MRPL38: variants seen among roughly 807,000 people sequenced by gnomAD.
The protein encoded by MRPL38 is large ribosomal subunit protein mL38.
Under a neutral mutation model 52.1 loss-of-function variants are expected in MRPL38, and 51 were observed. The ratio of observed to expected loss-of-function variants is 0.98; its 90% CI spans 0.78 to 1.24. The LOEUF is 1.24. MRPL38 is among the 50% of genes most tolerant of loss of function. The probability of loss-of-function intolerance (pLI) is 0.00; values close to 1 mark genes in which losing one functional copy is unlikely to be tolerated. For synonymous variants in MRPL38, 245 were observed against 212.7 expected (o/e 1.15, Z -1.32); for missense variants, 527 against 518.6 (o/e 1.02, Z -0.16).
Position 75,899,200 on chromosome 17 carries a change from G to C in MRPL38, c.964C>G (p.Arg322Gly), listed in dbSNP as rs1352525977. Reference sequence around the variant, plus strand: ...ATGTAGGTGACGGAGTCATCCCAGCGGCACTGGAAGAAGGACAAGCCGGCT... The same window carrying C: ...ATGTAGGTGACGGAGTCATCCCAGCCGCACTGGAAGAAGGACAAGCCGGCT... Reference protein sequence around the residue: ...TPAGLSFFQCRWDDSVTYIFH... With the variant: ...TPAGLSFFQCGWDDSVTYIFH... Residue 322 changes from arginine to glycine, a missense_variant, in exon 8 of 9, where the codon CGC becomes GGC. Transcript: ENST00000309352. 1.9e-6 allele frequency: 3 copies of C among 1,607,224 alleles called. No individual in the cohort carries two copies. The African/African-American group carries it at 4.0e-5, about 21-fold the overall frequency.
Position 75,904,616 on chromosome 17 carries a change from G to C in MRPL38, c.171C>G (p.Tyr57Ter). The change falls in exon 2 of 9, where the codon TAC (tyrosine) becomes TAG (stop). Residue 57 changes from tyrosine (Y) to a stop codon, truncating the protein, a stop_gained. Coordinates refer to ENST00000309352, the MANE Select transcript of MRPL38 (RefSeq NM_032478.4). LOFTEE classifies it high-confidence loss of function. ...GCGCCTCCTGCTCTGCTCGGCGCCGGTAGCGGTCGAAGCTCCGGTACTTCT... is the reference window on the plus strand; with the variant it reads ...GCGCCTCCTGCTCTGCTCGGCGCCGCTAGCGGTCGAAGCTCCGGTACTTCT... The part of the protein sequence containing the change: ...RLEKYRSFDR[Y>*]RRRAEQEAQA... 6.3e-7 allele frequency: 1 copy of C among 1,593,798 alleles called. No individual in the cohort carries two copies.
rs750505903 is a variant in MRPL38, at chr17:75,904,672, C to T, written c.115G>A (p.Asp39Asn). Residue 39 changes from aspartate (D) to asparagine (N), a missense_variant, in exon 2 of 9, where the codon GAC becomes AAC. Asp to Asn is a conservative substitution (Grantham distance 23). Transcript: ENST00000309352. The part of the protein sequence containing the change: ...TPPLGPMPNS[D>N]IDLSNLERLE... ...CGCTCCAGGTTGCTCAAGTCGATGT[C>T]ACTGTTGGGCATCGGCCCCAGCGGG... 8 of 1,597,292 alleles carry T rather than the reference C, an allele frequency of 5.0e-6. No individual in the cohort carries two copies. The highest frequency in any genetic ancestry group is 5.9e-6 in the Non-Finnish European group (7 of 1,178,506).
At chr17:75,904,121 G>T in intron 2 of MRPL38, 1 of 424,010 alleles carries the variant, frequency 2.4e-6, no homozygotes, top group Non-Finnish European at 4.8e-6. Context: ...TCGGGTGCAA[G>T]GATCCAATGG....
At chr17:75,903,372 C>A (rs1363102759) in intron 2 of MRPL38, among the ~76,000 whole-genome samples, 1 of 152,204 alleles carries the variant, frequency 6.6e-6, no homozygotes, top group African/African-American at 2.4e-5. Context: ...CACCACTGCA[C>A]TCCAGCCTGG....
rs762285575 is a variant in MRPL38 at position 75,899,313 on chromosome 17, C to T, written c.870-19G>A. The T allele has an allele frequency of 6.2e-7, 1 of 1,609,930 alleles. No individual in the cohort carries two copies. Among genetic ancestry groups the T allele is most frequent in the East Asian group, 2.2e-5 (1 of 44,800 alleles). Reference sequence around the variant, plus strand: ...CTGATAGCTATGAGAAGATAGAGAGCGTATGAGAGTGTGGAGTGGGGCACC... The same window carrying T: ...CTGATAGCTATGAGAAGATAGAGAGTGTATGAGAGTGTGGAGTGGGGCACC... On this transcript the variant is annotated intron_variant, in intron 7 of 8. Coordinates refer to ENST00000309352, the MANE Select transcript of MRPL38 (RefSeq NM_032478.4).
At chr17:75,899,723 G>T in intron 6 of MRPL38, 49 bp from the exon 7 acceptor site, 1 of 1,479,352 alleles carries the variant, frequency 6.8e-7, no homozygotes, top group Non-Finnish European at 9.0e-7. Context: ...GAGGCAGCAG[G>T]AGTGTCCCCT....
Position 75,901,299 on chromosome 17 carries a change from A to T in MRPL38, c.592-26T>A. On this transcript the variant is annotated intron_variant, in intron 4 of 8. Transcript: ENST00000309352. This position sits in a 1 kb window ranked among gnomAD's most constrained non-coding sequence, Gnocchi z 5.7. Reference sequence around the variant, plus strand: ...CTGGCAGGGTGAGAAGGAAGCTGTCAGCCCCACCAGGGACAGGCCAGCTGT... The same window carrying T: ...CTGGCAGGGTGAGAAGGAAGCTGTCTGCCCCACCAGGGACAGGCCAGCTGT... The T allele has an allele frequency of 6.2e-7, 1 of 1,609,548 alleles. No individual in the cohort carries two copies. Among genetic ancestry groups the T allele is most frequent in the Non-Finnish European group, 8.5e-7 (1 of 1,177,852 alleles).
rs9902371 is a variant in MRPL38, at chr17:75,900,965, A to G, written c.710+17T>C. 0.29 allele frequency: 458,933 copies of G among 1,608,474 alleles called. 69,142 individuals are homozygous for G. Among genetic ancestry groups the G allele is most frequent in the African/African-American group, 0.55 (41,126 of 74,520 alleles). On this transcript the variant is annotated intron_variant, in intron 6 of 8. Transcript: ENST00000309352. ...CGCCTGGGCAGCACCCCCTACCCCCAGTACTCCAGTACTCACAGCAGCCAG... is the reference window on the plus strand; with the variant it reads ...CGCCTGGGCAGCACCCCCTACCCCCGGTACTCCAGTACTCACAGCAGCCAG...
At position 75,898,851 on chromosome 17, in the gene MRPL38, T is replaced by C. The variant is rs1379856351; in HGVS notation, c.1142A>G (p.Ter381=). The change falls in exon 9 of 9, where the codon TAA becomes TGA. Residue 381 remains the stop codon, a stop_retained_variant. Transcript: ENST00000309352. ...DSHEPTYGIY[*] ...CTGAAATGCGCACACTCTGGCTCCTTAGTAGATGCCATAGGTGGGCTCATG... is the reference window on the plus strand; with the variant it reads ...CTGAAATGCGCACACTCTGGCTCCTCAGTAGATGCCATAGGTGGGCTCATG... 1.2e-6 allele frequency: 2 copies of C among 1,611,900 alleles called. No homozygotes were observed. Among genetic ancestry groups the C allele is most frequent in the Non-Finnish European group, 1.7e-6 (2 of 1,179,530 alleles).
rs1416964417 is a variant in MRPL38 at position 75,901,014 on chromosome 17, C to T, written c.678G>A (p.Leu226=). ...LLLTSLDGHL[L]EPDAEYLHWL... ...AGTGGAGGTACTCAGCATCTGGCTC[C>T]AGCAGGTGCCCATCTGCACAAAAAC... Residue 226 remains leucine, a synonymous_variant, in exon 6 of 9, where the codon CTG becomes CTA. Coordinates refer to ENST00000309352, the MANE Select transcript of MRPL38 (RefSeq NM_032478.4). The surrounding 1 kb of genome is among the most constrained non-coding windows in gnomAD (Gnocchi z 5.7). 2 of 1,612,580 alleles carry T rather than the reference C, an allele frequency of 1.2e-6. No homozygotes were observed. Among genetic ancestry groups the T allele is most frequent in the Non-Finnish European group, 1.7e-6 (2 of 1,179,436 alleles).
intron 2 of MRPL38, among the ~76,000 whole-genome samples, chr17:75,902,666 A>C (rs1314105794): frequency 6.6e-6 from 1 of 152,248 alleles, no homozygotes; most frequent in Admixed American, 6.5e-5. Context: ...CATACTGTGC[A>C]GTCTACTTCC....
At chr17:75,902,232 TAGC>T in intron 2 of MRPL38, 78 bp from the exon 3 acceptor site, 11 of 1,458,544 alleles carry the variant, frequency 7.5e-6, no homozygotes, top group Non-Finnish European at 1.0e-5. Context: ...GTCTCCTGAG[TAGC>T]TGGGGCTACA....
chr17:75,901,476 G>GC lies in MRPL38; in HGVS notation c.592-204dup, dbSNP rs367753303. On this transcript the variant is annotated intron_variant, in intron 4 of 8. Transcript: ENST00000309352. The surrounding 1 kb of genome is among the most constrained non-coding windows in gnomAD (Gnocchi z 5.7). ...ACCACAAAAACGAACATGTGCCAAGGCCGGGCCAGGAGGGCACACCACAGA... is the reference window on the plus strand; with the variant it reads ...ACCACAAAAACGAACATGTGCCAAGGCCCGGGCCAGGAGGGCACACCACAGA... 6 of 674,320 alleles carry GC rather than the reference G, an allele frequency of 8.9e-6. No individual in the cohort carries two copies. Among genetic ancestry groups the GC allele is most frequent in the African/African-American group, 7.2e-5 (4 of 55,608 alleles). The allele number at this position is 674,320 out of a possible 1,614,324, so 41.8% of individuals were successfully genotyped here.
intron 2 of MRPL38, 144 bp downstream of exon 2, chr17:75,904,396 C>T (rs889329108): frequency 3.3e-5 from 29 of 881,746 alleles, no homozygotes; most frequent in Non-Finnish European, 9.3e-6. Context: ...GCCGATAGCG[C>T]ACACAGGTCT....
intron 2 of MRPL38, chr17:75,904,133 G>C: frequency 4.5e-6 from 2 of 441,514 alleles, no homozygotes; most frequent in Admixed American, 5.3e-5. Flanking sequence ...ATCCAATGGA[G>C]GGCAAGACAA....
In MRPL38 at chr17:75,901,059, C is replaced by T; in HGVS notation, c.665-32G>A. On this transcript the variant is annotated intron_variant, in intron 5 of 8. Transcript: ENST00000309352. This position sits in a 1 kb window ranked among gnomAD's most constrained non-coding sequence, Gnocchi z 5.7. ...AAAAACACACCTGCTGACCACGGCCCAGCCGACCACGGCCCTGCCACCCCC... is the reference window on the plus strand; with the variant it reads ...AAAAACACACCTGCTGACCACGGCCTAGCCGACCACGGCCCTGCCACCCCC... The T allele has an allele frequency of 1.2e-6, 2 of 1,606,800 alleles. No individual in the cohort carries two copies. Among genetic ancestry groups the T allele is most frequent in the Non-Finnish European group, 1.7e-6 (2 of 1,177,084 alleles).
At chr17:75,900,774 C>T (rs1196508405) in intron 6 of MRPL38, 19 of 1,401,422 alleles carry the variant, frequency 1.4e-5, no homozygotes, top group Admixed American at 3.2e-5. Context: ...GGGGACTGAC[C>T]GAGGCCTACT....
Position 75,898,810 on chromosome 17 carries a change from C to T in MRPL38, c.*40G>A, listed in dbSNP as rs769606931. 2.5e-5 allele frequency: 40 copies of T among 1,608,432 alleles called. No homozygotes were observed. Among genetic ancestry groups the T allele is most frequent in the South Asian group, 5.5e-5 (5 of 90,334 alleles). On this transcript the variant is annotated 3_prime_UTR_variant, in exon 9 of 9. Transcript: ENST00000309352. The stretch of plus-strand genomic sequence containing the variant: ...GGAGCTGTGTCTTTACTCTTGCTGC[C>T]GATCAATCCCATGCTCTGAAATGCG...
At chr17:75,904,770 G>GGGCCCC in intron 1 of MRPL38, 39 bp downstream of exon 1, 9 of 500,000 alleles carry the variant, frequency 1.8e-5, no homozygotes, top group East Asian at 5.2e-5. Flanking sequence ...TCGGGCGACA[G>GGGCCCC]CCCCCCCCCC....
Sources: allele counts gnomAD v4.1 joint callset (sites outside exome capture counted in the v4.1 genomes callset), GRCh38; gene constraint gnomAD v4.1.1; non-coding constraint Gnocchi (gnomAD v3.1); transcripts MANE v1.5; gene names NCBI Gene and HGNC (gene_info 2026-07-23, HGNC 2026-07-21).